Variants in UNKL observed in about 807,000 individuals in gnomAD.
UNKL encodes the protein unk like zinc finger.
Under a neutral mutation model 78.0 loss-of-function variants are expected in UNKL, and 60 were observed. That is an observed-to-expected ratio of 0.77 (90% CI 0.63 to 0.95). UNKL has a LOEUF of 0.95. Ranked by LOEUF, UNKL falls within the 40% of genes least tolerant of loss-of-function variation. UNKL has a pLI of 0.00. For synonymous variants in UNKL, 608 were observed against 474.8 expected (o/e 1.28, Z -3.65); for missense variants, 1,159 against 1,045.7 (o/e 1.11, Z -1.49).
chr16:1,401,523 G>GGGCGCCCC, intron 4 of UNKL, 45 bp downstream of exon 4: 1 of 1,470,348 alleles, frequency 6.8e-7, no homozygotes, highest in Non-Finnish European at 9.1e-7. Context: ...CTCGCGCTGT[G>GGGCGCCCC]CCCGCCCCCC....
chr16:1,374,941 G>T (rs74002216), intron 10 of UNKL, among the ~76,000 whole-genome samples: 1 of 152,214 alleles, frequency 6.6e-6, no homozygotes, highest in Non-Finnish European at 1.5e-5. Context: ...TGCCCTAGCC[G>T]CACATGAGAT....
intron 4 of UNKL, 45 bp downstream of exon 4, chr16:1,401,523 G>GGGGGGCCCCCCC: frequency 1.4e-6 from 2 of 1,470,308 alleles, no homozygotes; most frequent in Non-Finnish European, 1.8e-6. Flanking sequence ...CTCGCGCTGT[G>GGGGGGCCCCCCC]CCCGCCCCCC....
chr16:1,374,295 G>T (rs2036046446), intron 10 of UNKL, among the ~76,000 whole-genome samples: 1 of 152,328 alleles, frequency 6.6e-6, no homozygotes, highest in South Asian at 2.1e-4. Flanking sequence ...CTCCTGGGGG[G>T]CCCTGCCCTG....
chr16:1,398,681 A>AGGCCCCC, intron 5 of UNKL: 7 of 694,274 alleles, frequency 1.0e-5, no homozygotes, highest in East Asian at 1.1e-4. Context: ...TGGGGTCTGC[A>AGGCCCCC]CCCCCCCACC....
At chr16:1,395,857 T>G (rs1441704269) in intron 6 of UNKL, 5 of 431,866 alleles carry the variant, frequency 1.2e-5, no homozygotes, top group Non-Finnish European at 1.4e-5. Context: ...CCAGAAAGCA[T>G]GATGCGCGTC....
At chr16:1,404,815 G>A (rs146383175) in intron 2 of UNKL, among the ~76,000 whole-genome samples, 12 of 152,114 alleles carry the variant, frequency 7.9e-5, no homozygotes, top group Admixed American at 1.3e-4. Context: ...GCAGGCTTCC[G>A]TCCACAAGAC....
Position 1,399,484 on chromosome 16 carries a change from G to A in UNKL, c.624C>T (p.Tyr208=), listed in dbSNP as rs773217349. ...WQDANFVLGS[Y]KTEQCPKPPR... is the part of the protein sequence containing the mutation. ...GCGGCTTCGGGCACTGCTCCGTCTT[G>A]TAGCTGCCCAGCACGAAGTTGGCAT... Residue 208 remains tyrosine, a synonymous_variant, in exon 5 of 15, where the codon TAC becomes TAT. Coordinates refer to ENST00000389221, the MANE Select transcript of UNKL (RefSeq NM_001372107.1). This position sits in a 1 kb window ranked among gnomAD's most constrained non-coding sequence, Gnocchi z 5.8. 15 of 1,599,488 alleles carry A rather than the reference G, an allele frequency of 9.4e-6. No individual in the cohort carries two copies. Among genetic ancestry groups the A allele is most frequent in the Admixed American group, 3.4e-5 (2 of 58,346 alleles).
At chr16:1,386,287 T>C (rs1195665843) in intron 9 of UNKL, among the ~76,000 whole-genome samples, 1 of 152,064 alleles carries the variant, frequency 6.6e-6, no homozygotes, top group Non-Finnish European at 1.5e-5. Context: ...GCGCGGTGGC[T>C]CACACCTGTA....
Position 1,366,258 on chromosome 16 carries a change from G to T in UNKL, c.2184C>A (p.Gly728=). ...GCTGAGGTCACCACTGCAGGGGCTG[G>T]CCCTTGCAGTAGGGGCACTCAGGTG... ...ATAPECPYCK[G]QPLQW Residue 728 remains glycine (G), a synonymous_variant, in exon 15 of 15, where the codon GGC becomes GGA. Coordinates refer to ENST00000389221, the MANE Select transcript of UNKL (RefSeq NM_001372107.1). The T allele has an allele frequency of 6.3e-7, 1 of 1,582,062 alleles. No individual in the cohort carries two copies. Among genetic ancestry groups the T allele is most frequent in the Non-Finnish European group, 8.6e-7 (1 of 1,165,020 alleles).
intron 2 of UNKL, among the ~76,000 whole-genome samples, chr16:1,404,511 CAGA>C (rs2037663918): frequency 1.3e-5 from 2 of 152,192 alleles, no homozygotes; most frequent in Non-Finnish European, 1.5e-5. Flanking sequence ...TCGACAGAGG[CAGA>C]AGAAGGGGTG....
intron 2 of UNKL, among the ~76,000 whole-genome samples, chr16:1,410,379 G>A (rs1042806860): frequency 4.6e-5 from 7 of 152,018 alleles, no homozygotes; most frequent in African/African-American, 1.2e-4. Context: ...AGGCCGAGGC[G>A]GGTGGATCAC....
At position 1,403,365 on chromosome 16, in the gene UNKL, C is replaced by T; in HGVS notation, c.288-21G>A. ...GACACCTGGGGAGCAGAGAGGCACG[C>T]AATGCCTGGTTATCATGGACCCAGA... is the stretch of plus-strand genomic sequence containing the variant. On this transcript the variant is annotated intron_variant, in intron 2 of 14. Transcript: ENST00000389221. The surrounding 1 kb of genome is among the most constrained non-coding windows in gnomAD (Gnocchi z 4.8). 1.9e-6 allele frequency: 3 copies of T among 1,611,062 alleles called. No individual in the cohort carries two copies. In the East Asian group the frequency reaches 6.7e-5, roughly 36 times the overall value.
chr16:1,398,681 A>AGGCCCCCCCCCC, intron 5 of UNKL: 2 of 694,310 alleles, frequency 2.9e-6, no homozygotes, highest in Non-Finnish European at 3.8e-6. Flanking sequence ...TGGGGTCTGC[A>AGGCCCCCCCCCC]CCCCCCCACC....
chr16:1,379,681 A>T, intron 10 of UNKL: 1 of 982,816 alleles, frequency 1.0e-6, no homozygotes, highest in Non-Finnish European at 1.2e-6. Context: ...CCGGGGATTC[A>T]AACCCGGCCC....
At position 1,414,656 on chromosome 16, in the gene UNKL, C is replaced by G; in HGVS notation, c.36G>C (p.Leu12=). 1 of 1,149,848 alleles carries G rather than the reference C, an allele frequency of 8.7e-7. No individual in the cohort carries two copies. Among genetic ancestry groups the G allele is most frequent in the Non-Finnish European group, 1.1e-6 (1 of 923,600 alleles). The allele number at this position is 1,149,848 out of a possible 1,614,324, so 71.2% of individuals were successfully genotyped here. Residue 12 remains leucine (L), a synonymous_variant, in exon 1 of 15, where the codon CTG becomes CTC. Transcript: ENST00000389221. ...PSVSKAAAAA[L]SGSPPQTEKP... ...TCTCAGTCTGCGGGGGGGACCCGCT[C>G]AGCGCCGCTGCCGCCGCTTTCGAAA... is the stretch of plus-strand genomic sequence containing the variant.
chr16:1,396,585 T>TATA, intron 6 of UNKL, among the ~76,000 whole-genome samples: 1 of 152,074 alleles, frequency 6.6e-6, no homozygotes, highest in East Asian at 1.9e-4. Flanking sequence ...TGAATATATA[T>TATA]ATTTTTTTCT....
At chr16:1,402,861 G>T (rs1026070521) in intron 3 of UNKL, among the ~76,000 whole-genome samples, 1 of 151,594 alleles carries the variant, frequency 6.6e-6, no homozygotes, top group African/African-American at 2.4e-5. Flanking sequence ...GCGTGGTGGT[G>T]GTCACCTGTA....
In UNKL at chr16:1,385,322, A is replaced by T; in HGVS notation, c.1150T>A (p.Ser384Thr). The change falls in exon 10 of 15, where the codon TCC becomes ACC. Residue 384 changes from serine (S) to threonine (T), a missense_variant. Coordinates refer to ENST00000389221, the MANE Select transcript of UNKL (RefSeq NM_001372107.1). Reference protein sequence around the residue: ...PAPSVSSSVASSLASSAGSGS... With the variant: ...PAPSVSSSVATSLASSAGSGS... ...GAGCCGGCGCTGGACGCCAGGCTGG[A>T]CGCCACGCTGGAGCTCACGCTGGGG... 7.0e-7 allele frequency: 1 copy of T among 1,419,846 alleles called. No individual in the cohort carries two copies. Among genetic ancestry groups the T allele is most frequent in the Non-Finnish European group, 9.2e-7 (1 of 1,091,168 alleles). The allele number at this position is 1,419,846 out of a possible 1,614,324, so 88.0% of individuals were successfully genotyped here.
intron 10 of UNKL, among the ~76,000 whole-genome samples, chr16:1,377,206 G>A (rs1168660225): frequency 6.6e-6 from 1 of 152,148 alleles, no homozygotes; most frequent in African/African-American, 2.4e-5. Flanking sequence ...ATTTTTAGTA[G>A]AGACAGGTTT....
Sources: gnomAD v4.1 joint callset for allele counts (sites outside exome capture counted in the v4.1 genomes callset) on GRCh38, gnomAD v4.1.1 for gene constraint, Gnocchi (gnomAD v3.1) non-coding constraint, MANE v1.5 for transcripts, NCBI Gene and HGNC (gene_info 2026-07-23, HGNC 2026-07-21) for gene names.